Variants in UNC5D observed in about 807,000 individuals in gnomAD.
UNC5D encodes netrin receptor UNC5D.
UNC5D carries 39 observed loss-of-function variants against 105.4 expected under a neutral mutation model. The observed-to-expected ratio is 0.37, with a 90% CI of 0.29 to 0.48. UNC5D has a LOEUF of 0.48. Ranked by LOEUF, UNC5D falls within the 20% of genes least tolerant of loss-of-function variation. The pLI, the probability that UNC5D is intolerant of heterozygous loss-of-function variation, is 0.98. For missense variants in UNC5D, 991 were observed against 1,202.4 expected (o/e 0.82, Z 2.60); for synonymous variants, 452 against 450.4 (o/e 1.00, Z -0.04).
At chr8:35,532,372 G>A (rs1200056951) in intron 1 of UNC5D, among the ~76,000 whole-genome samples, 1 of 143,724 alleles carries the variant, frequency 7.0e-6, no homozygotes, top group African/African-American at 2.6e-5. Flanking sequence ...TTGAATATTG[G>A]CCCCCACTCT....
At chr8:35,619,018 T>C (rs1821191652) in intron 4 of UNC5D, among the ~76,000 whole-genome samples, 1 of 152,218 alleles carries the variant, frequency 6.6e-6, no homozygotes, top group Admixed American at 6.5e-5. Context: ...TTTAATGTCT[T>C]ACTACAGATT....
chr8:35,399,452 G>A (rs1310591048), intron 1 of UNC5D, among the ~76,000 whole-genome samples: 2 of 151,976 alleles, frequency 1.3e-5, no homozygotes, highest in Admixed American at 6.6e-5. Flanking sequence ...ATTCTCTAGA[G>A]ATAGAAAGCT....
At chr8:35,370,789 C>A (rs1802387090) in intron 1 of UNC5D, among the ~76,000 whole-genome samples, 1 of 152,176 alleles carries the variant, frequency 6.6e-6, no homozygotes, top group African/African-American at 2.4e-5. Flanking sequence ...TGGAAATGGG[C>A]TGAATAAATG....
chr8:35,751,122 G>A (rs1830262206), intron 13 of UNC5D, among the ~76,000 whole-genome samples: 1 of 152,134 alleles, frequency 6.6e-6, no homozygotes. Flanking sequence ...GGGCTAGTGA[G>A]GTGGGAGTGC....
Position 35,790,740 on chromosome 8 carries a change from A to C in UNC5D, c.*177A>C, listed in dbSNP as rs1279659125. On this transcript the variant is annotated 3_prime_UTR_variant, in exon 17 of 17. Transcript: ENST00000404895. ...TAGGTAAAACATGTTAATAGGGAAG[A>C]GTACAAGCTCTCTTACATATAAGAG... is the stretch of plus-strand genomic sequence containing the variant. 1 of 656,852 alleles carries C rather than the reference A, an allele frequency of 1.5e-6. No homozygotes were observed. The highest frequency in any genetic ancestry group is 2.6e-6 in the Non-Finnish European group (1 of 385,318). The allele number at this position is 656,852 out of a possible 1,614,324, so 40.7% of individuals were successfully genotyped here. A position where few individuals can be genotyped will look rare whatever the true frequency, so the allele number is the denominator to read the frequency against.
chr8:35,482,895 T>C (rs1423688417), intron 1 of UNC5D, among the ~76,000 whole-genome samples: 1 of 140,064 alleles, frequency 7.1e-6, no homozygotes, highest in Non-Finnish European at 1.5e-5. Flanking sequence ...TTCTGCCTCC[T>C]GGATTCAAGC....
chr8:35,711,733 T>TGTGA (rs1011810942), intron 8 of UNC5D, among the ~76,000 whole-genome samples: 4 of 152,196 alleles, frequency 2.6e-5, no homozygotes, highest in African/African-American at 9.6e-5. Context: ...CCACCCTAAG[T>TGTGA]GTGAGTTAGT....
intron 10 of UNC5D, among the ~76,000 whole-genome samples, chr8:35,729,971 A>C (rs1288655679): frequency 1.3e-5 from 2 of 152,332 alleles, no homozygotes; most frequent in Middle Eastern, 3.4e-3. Flanking sequence ...ACAGGCACAT[A>C]GAAGGAGATC....
At chr8:35,697,668 G>T (rs1240273079) in intron 7 of UNC5D, among the ~76,000 whole-genome samples, 1 of 152,062 alleles carries the variant, frequency 6.6e-6, no homozygotes, top group East Asian at 1.9e-4. Flanking sequence ...AGGCTTAGCA[G>T]CACTGATTCA....
chr8:35,500,934 T>C (rs962105553), intron 1 of UNC5D, among the ~76,000 whole-genome samples: 2 of 147,118 alleles, frequency 1.4e-5, no homozygotes, highest in African/African-American at 5.2e-5. Context: ...ATTGTTAAAA[T>C]TCAAAGGAAA....
chr8:35,509,900 C>T (rs1172540589), intron 1 of UNC5D, among the ~76,000 whole-genome samples: 1 of 152,094 alleles, frequency 6.6e-6, no homozygotes, highest in African/African-American at 2.4e-5. Context: ...AATCACAGAG[C>T]TTAAGGAAAC....
At chr8:35,260,907 G>A (rs940786491) in intron 1 of UNC5D, among the ~76,000 whole-genome samples, 1 of 152,124 alleles carries the variant, frequency 6.6e-6, no homozygotes, top group Non-Finnish European at 1.5e-5. Flanking sequence ...AGGCACTCAG[G>A]ACACTGATGA....
At chr8:35,460,143 C>T (rs1003806885) in intron 1 of UNC5D, among the ~76,000 whole-genome samples, 10 of 152,194 alleles carry the variant, frequency 6.6e-5, no homozygotes, top group African/African-American at 2.4e-4. Context: ...TGAATGATCA[C>T]TTTCTATTTA....
At chr8:35,413,292 T>TGTGTGTGTGTGTGTGTTGTG (rs56157732) in intron 1 of UNC5D, among the ~76,000 whole-genome samples, 18 of 128,044 alleles carry the variant, frequency 1.4e-4, no homozygotes, top group East Asian at 2.5e-4. Context: ...TGTGTGTGTG[T>TGTGTGTGTGTGTGTGTTGTG]TGTGTGTGTG....
intron 1 of UNC5D, among the ~76,000 whole-genome samples, chr8:35,486,121 G>C (rs570077256): frequency 6.6e-6 from 1 of 152,310 alleles, no homozygotes; most frequent in Admixed American, 6.5e-5. Context: ...TAAGGAGAGA[G>C]TGGCATATCA....
chr8:35,242,684 AG>A, intron 1 of UNC5D, among the ~76,000 whole-genome samples: 1 of 152,196 alleles, frequency 6.6e-6, no homozygotes, highest in East Asian at 1.9e-4. Context: ...CACGTTGGTC[AG>A]GCTGGTCTCA....
At chr8:35,618,843 A>G (rs900453520) in intron 4 of UNC5D, among the ~76,000 whole-genome samples, 4 of 152,184 alleles carry the variant, frequency 2.6e-5, no homozygotes, top group Admixed American at 2.6e-4. Context: ...TTGCTGAGTA[A>G]GGAAATAGAC....
chr8:35,315,212 T>C (rs1449852756), intron 1 of UNC5D, among the ~76,000 whole-genome samples: 1 of 152,302 alleles, frequency 6.6e-6, no homozygotes, highest in Non-Finnish European at 1.5e-5. Flanking sequence ...CTGTTGGCTT[T>C]TTCTGCATTA....
In UNC5D at chr8:35,686,693, T is replaced by C. The variant is rs765004280; in HGVS notation, c.1068T>C (p.Asp356=). Residue 356 remains aspartate (D), a synonymous_variant, in exon 7 of 17, where the codon GAT becomes GAC. Transcript: ENST00000404895. ...GLSQESENCT[D]GLCILDKKPL... Reference sequence around the variant, plus strand: ...GCCAGGAATCTGAAAACTGCACAGATGGTCTTTGCATCCTAGGTAACACTT... The same window carrying C: ...GCCAGGAATCTGAAAACTGCACAGACGGTCTTTGCATCCTAGGTAACACTT... The C allele has an allele frequency of 6.3e-7, 1 of 1,599,058 alleles. No individual in the cohort carries two copies. The highest frequency in any genetic ancestry group is 1.8e-5 in the Admixed American group (1 of 56,320).
Sources: allele counts gnomAD v4.1 joint callset (sites outside exome capture counted in the v4.1 genomes callset), GRCh38; gene constraint gnomAD v4.1.1; transcripts MANE v1.5; gene names NCBI Gene and HGNC (gene_info 2026-07-23, HGNC 2026-07-21).